FHIT: variants seen among roughly 807,000 people sequenced by gnomAD.
FHIT encodes the protein fragile histidine triad diadenosine triphosphatase.
FHIT carries 19 observed loss-of-function variants against 17.9 expected under a neutral mutation model. The observed-to-expected ratio is 1.06, with a 90% CI of 0.74 to 1.56. FHIT has a LOEUF of 1.56. Ranked by LOEUF, FHIT falls within the 40% of genes most tolerant of loss-of-function variation. The pLI is 0.00. For missense variants in FHIT, 248 were observed against 189.2 expected, an observed-to-expected ratio of 1.31 and a Z score of -1.82; for synonymous variants, 81 against 69.7, an observed-to-expected ratio of 1.16 and a Z score of -0.81.
chr3:60,173,827 G>T (rs1442462200), intron 5 of FHIT, among the ~76,000 whole-genome samples: 1 of 143,782 alleles, frequency 7.0e-6, no homozygotes, highest in Non-Finnish European at 1.5e-5. Context: ...TGCAGTCACT[G>T]TGGGTGCTAA....
chr3:59,777,420 G>A (rs745491931), intron 8 of FHIT, among the ~76,000 whole-genome samples: 1 of 151,458 alleles, frequency 6.6e-6, no homozygotes, highest in African/African-American at 2.4e-5. Context: ...CCCTACTTCA[G>A]TCTGTAAAGT....
chr3:59,915,490 G>A (rs1705091101), intron 8 of FHIT, among the ~76,000 whole-genome samples: 1 of 152,204 alleles, frequency 6.6e-6, no homozygotes, highest in South Asian at 2.1e-4. Context: ...AGCTCAACCT[G>A]TAGATACCTG....
At chr3:60,563,902 G>A (rs990030627) in intron 4 of FHIT, among the ~76,000 whole-genome samples, 1 of 152,170 alleles carries the variant, frequency 6.6e-6, no homozygotes, top group African/African-American at 2.4e-5. Flanking sequence ...CAGAAGAGCT[G>A]GCAAAGATAA....
intron 5 of FHIT, among the ~76,000 whole-genome samples, chr3:60,077,686 T>TCACACACCCACACA (rs1433817563): frequency 9.1e-6 from 1 of 110,312 alleles, no homozygotes; most frequent in South Asian, 3.7e-4. Context: ...CGATTTTACT[T>TCACACACCCACACA]CACACACACA....
At position 60,699,032 on chromosome 3, in the gene FHIT, C is replaced by T. The variant is rs189295460; in HGVS notation, c.-18+122887G>A. Among the ~76,000 whole-genome samples, 219 of 152,138 alleles carry T rather than the reference C, an allele frequency of 1.4e-3. 1 individual carries two copies. Among genetic ancestry groups the T allele is most frequent in the African/African-American group, 5.0e-3 (208 of 41,508 alleles). On this transcript the variant is annotated intron_variant, in intron 4 of 9. Transcript: ENST00000492590. ...ACTGTTTTATGAACATCTTTCTATG[C>T]CATAAGTAACAATCTGTATCATTAT...
chr3:59,949,004 A>G (rs1426841722), intron 7 of FHIT, among the ~76,000 whole-genome samples: 2 of 152,202 alleles, frequency 1.3e-5, no homozygotes, highest in African/African-American at 4.8e-5. Flanking sequence ...CAGTGAGCAT[A>G]GGACCCAATA....
chr3:60,704,107 G>A (rs1038944500), intron 4 of FHIT, among the ~76,000 whole-genome samples: 3 of 152,046 alleles, frequency 2.0e-5, no homozygotes, highest in African/African-American at 7.2e-5. Flanking sequence ...ATCAGAAGAC[G>A]ACAGTCTTCC....
At chr3:60,391,369 C>A (rs988773535) in intron 5 of FHIT, among the ~76,000 whole-genome samples, 1 of 152,158 alleles carries the variant, frequency 6.6e-6, no homozygotes, top group African/African-American at 2.4e-5. Flanking sequence ...CAGCCTCAAG[C>A]AATCCTCCTT....
intron 5 of FHIT, among the ~76,000 whole-genome samples, chr3:60,077,735 TAGAGG>T (rs1476604888): frequency 3.2e-5 from 2 of 63,218 alleles, no homozygotes; most frequent in African/African-American, 1.3e-4. Context: ...CACACATATA[TAGAGG>T]GGGGGGGGAG....
At chr3:61,107,344 G>A (rs1223711227) in intron 2 of FHIT, among the ~76,000 whole-genome samples, 6 of 152,126 alleles carry the variant, frequency 3.9e-5, no homozygotes, top group African/African-American at 1.4e-4. Flanking sequence ...CAGGGTGTAT[G>A]TATATCACAT....
intron 3 of FHIT, among the ~76,000 whole-genome samples, chr3:60,877,254 T>A (rs924270397): frequency 6.6e-6 from 1 of 152,170 alleles, no homozygotes; most frequent in African/African-American, 2.4e-5. Flanking sequence ...CCTGCCTCCA[T>A]AAGGCTAAGC....
chr3:59,896,861 G>T (rs188891108), intron 8 of FHIT, among the ~76,000 whole-genome samples: 3 of 152,062 alleles, frequency 2.0e-5, no homozygotes. Flanking sequence ...GGAACATAAC[G>T]CAAGTGTAAT....
intron 7 of FHIT, among the ~76,000 whole-genome samples, chr3:59,951,570 C>T (rs1707118293): frequency 1.3e-5 from 2 of 152,212 alleles, no homozygotes; most frequent in South Asian, 4.1e-4. Context: ...ACCCTTCAGC[C>T]AACTTGGGAC....
chr3:61,209,240 GCCCT>G (rs2039367611), intron 1 of FHIT, among the ~76,000 whole-genome samples: 3 of 152,188 alleles, frequency 2.0e-5, no homozygotes, highest in Admixed American at 2.0e-4. Flanking sequence ...CTCTCTGGCT[GCCCT>G]TAAAATTTTT....
chr3:60,325,200 T>C (rs1709633265), intron 5 of FHIT, among the ~76,000 whole-genome samples: 1 of 152,200 alleles, frequency 6.6e-6, no homozygotes, highest in Non-Finnish European at 1.5e-5. Context: ...GAAGCCATGC[T>C]ACATATTTTT....
At chr3:59,960,339 G>A (rs1357583679) in intron 7 of FHIT, among the ~76,000 whole-genome samples, 2 of 152,206 alleles carry the variant, frequency 1.3e-5, no homozygotes, top group Admixed American at 1.3e-4. Context: ...AAAATCTAAA[G>A]CACTTACTGA....
At chr3:60,684,089 C>T (rs376941557) in intron 4 of FHIT, among the ~76,000 whole-genome samples, 2 of 152,214 alleles carry the variant, frequency 1.3e-5, no homozygotes, top group East Asian at 3.9e-4. Flanking sequence ...TTCACTGTGG[C>T]TGCAATAAAA....
intron 2 of FHIT, among the ~76,000 whole-genome samples, chr3:61,174,085 G>A (rs2038088174): frequency 6.6e-6 from 1 of 152,218 alleles, no homozygotes. Flanking sequence ...CTAAAGCCTG[G>A]CTGCAGAAGA....
At chr3:60,541,691 G>C (rs1293595018) in intron 4 of FHIT, among the ~76,000 whole-genome samples, 1 of 152,202 alleles carries the variant, frequency 6.6e-6, no homozygotes, top group Non-Finnish European at 1.5e-5. Flanking sequence ...CTATGAACCT[G>C]AAACAGCTAC....
Sources: allele counts gnomAD v4.1 joint callset (sites outside exome capture counted in the v4.1 genomes callset), GRCh38; gene constraint gnomAD v4.1.1; transcripts MANE v1.5; gene names NCBI Gene and HGNC (gene_info 2026-07-23, HGNC 2026-07-21).